Variants in ASPHD2 observed in about 807,000 individuals in gnomAD.
ASPHD2 encodes the protein aspartate beta-hydroxylase domain-containing protein 2.
A neutral mutation model predicts 34.6 loss-of-function variants in ASPHD2; 12 were observed. That is an observed-to-expected ratio of 0.35 (90% CI 0.22 to 0.56). The LOEUF (loss-of-function observed/expected upper bound fraction) is 0.56, where lower values mean the gene tolerates loss of function less well. ASPHD2 is among the 20% of genes least tolerant of loss of function. The probability of loss-of-function intolerance (pLI) is 0.87; values close to 1 mark genes in which losing one functional copy is unlikely to be tolerated. For synonymous variants in ASPHD2, 224 were observed against 212.2 expected, an observed-to-expected ratio of 1.06 and a Z score of -0.48; for missense variants, 375 against 505.0, an observed-to-expected ratio of 0.74 and a Z score of 2.47.
chr22:26,442,094 A>G (rs1454689775), intron 2 of ASPHD2, among the ~76,000 whole-genome samples: 1 of 136,770 alleles, frequency 7.3e-6, no homozygotes, highest in Admixed American at 7.3e-5. Context: ...CAACAGAGAG[A>G]GACTCCATTT....
intron 1 of ASPHD2, among the ~76,000 whole-genome samples, chr22:26,432,306 T>G (rs991641817): frequency 6.6e-6 from 1 of 152,244 alleles, no homozygotes; most frequent in Admixed American, 6.5e-5. Flanking sequence ...GCAAGAATTT[T>G]CAGGCCAAAT....
Position 26,434,135 on chromosome 22 carries a change from C to G in ASPHD2, c.520C>G (p.Pro174Ala). The change falls in exon 2 of 4, where the codon CCC becomes GCC. Residue 174 changes from proline (P) to alanine (A), a missense_variant. This residue lies in a region of ASPHD2 where 223 missense variants were observed against 257.8 expected (regional missense o/e 0.87). Transcript: ENST00000215906. ...CGAGGTCTTCTTCCTGCCCGACCTG[C>G]CCACCACGCCCTATTTCTCCCGGGA... ...KPEVFFLPDL[P>A]TTPYFSRDAQ... The G allele has an allele frequency of 1.2e-6, 2 of 1,611,704 alleles. No homozygotes were observed. The highest frequency in any genetic ancestry group is 1.7e-6 in the Non-Finnish European group (2 of 1,178,982).
intron 1 of ASPHD2, among the ~76,000 whole-genome samples, chr22:26,431,059 G>A (rs2084753117): frequency 6.6e-6 from 1 of 152,152 alleles, no homozygotes; most frequent in Admixed American, 6.5e-5. Flanking sequence ...AATTATCACC[G>A]TCTCACTCTT....
intron 1 of ASPHD2, among the ~76,000 whole-genome samples, chr22:26,432,109 C>T (rs1386295240): frequency 6.6e-6 from 1 of 152,208 alleles, no homozygotes; most frequent in Non-Finnish European, 1.5e-5. Context: ...ATAGGAGAAT[C>T]ACTTGAACCT....
In ASPHD2 at chr22:26,433,911, A is replaced by G. The variant is rs771169654; in HGVS notation, c.296A>G (p.Asn99Ser). The G allele has an allele frequency of 1.2e-5, 20 of 1,613,650 alleles. No homozygotes were observed. The Admixed American group carries it at 3.2e-4, about 26-fold the overall frequency. ...VNSLMQAADA[N>S]GLQNGYVYCQ... is the part of the protein sequence containing the mutation. ...TCCCTCATGCAGGCTGCCGATGCCA[A>G]CGGGCTGCAGAATGGCTACGTGTAC... is the stretch of plus-strand genomic sequence containing the variant. Residue 99 changes from asparagine (N) to serine (S), a missense_variant, in exon 2 of 4, where the codon AAC (asparagine) becomes AGC (serine). By Grantham distance (46) the Asn-to-Ser change is conservative (BLOSUM62 1). This residue lies in a region of ASPHD2 where 223 missense variants were observed against 257.8 expected (regional missense o/e 0.87). Transcript: ENST00000215906. This position sits in a 1 kb window ranked among gnomAD's most constrained non-coding sequence, Gnocchi z 5.1.
At position 26,442,499 on chromosome 22, in the gene ASPHD2, A is replaced by G; in HGVS notation, c.927A>G (p.Gly309=). 6.2e-7 allele frequency: 1 copy of G among 1,608,314 alleles called. No individual in the cohort carries two copies. The change falls in exon 3 of 4, where the codon GGA becomes GGG. Residue 309 remains glycine (G), a synonymous_variant. Coordinates refer to ENST00000215906, the MANE Select transcript of ASPHD2 (RefSeq NM_020437.5). ...ATGGCTGTGAGCTGGTGGTGGGGGG[A>G]GAGCCCCAGTGCTGGGCAGAAGGGC... is the stretch of plus-strand genomic sequence containing the variant. The part of the protein sequence containing the change: ...TPNGCELVVG[G]EPQCWAEGRC...
chr22:26,441,571 C>G (rs1334354823), intron 2 of ASPHD2, among the ~76,000 whole-genome samples: 1 of 148,534 alleles, frequency 6.7e-6, no homozygotes, highest in Non-Finnish European at 1.5e-5. Context: ...AAGCAAATCT[C>G]TTGAGGTCAG....
At chr22:26,435,816 C>T (rs995780993) in intron 2 of ASPHD2, among the ~76,000 whole-genome samples, 2 of 152,118 alleles carry the variant, frequency 1.3e-5, no homozygotes, top group Admixed American at 6.5e-5. Context: ...GAGTAAAGGG[C>T]GGACTGGGTG....
rs1245838348 is a variant in ASPHD2, at chr22:26,429,699, C to T, written c.-225+213C>T. Among the ~76,000 whole-genome samples, 5 of 151,980 alleles carry T rather than the reference C, an allele frequency of 3.3e-5. No individual in the cohort carries two copies. The highest frequency in any genetic ancestry group is 2.1e-4 in the South Asian group (1 of 4,832). ...GCCAGTGCTCGTACGTGCTAAGCGC[C>T]GCCGCCTCGGAGCCGGGCATCACCC... On this transcript the variant is annotated intron_variant, in intron 1 of 3. Transcript: ENST00000215906. This position sits in a 1 kb window ranked among gnomAD's most constrained non-coding sequence, Gnocchi z 4.5.
chr22:26,433,330 A>C lies in ASPHD2; in HGVS notation c.-224-62A>C. 1 of 481,616 alleles carries C rather than the reference A, an allele frequency of 2.1e-6. No homozygotes were observed. The highest frequency in any genetic ancestry group is 2.5e-5 in the South Asian group (1 of 39,364). 29.8% of individuals were successfully genotyped at this position (481,616 alleles called of 1,614,324 possible). On this transcript the variant is annotated intron_variant, in intron 1 of 3. Transcript: ENST00000215906. This position sits in a 1 kb window ranked among gnomAD's most constrained non-coding sequence, Gnocchi z 5.1. Reference sequence around the variant, plus strand: ...ATCCTACAGAACGATCTAACACTTTACATTTCAGTTGAGGACTTTTCCAGG... The same window carrying C: ...ATCCTACAGAACGATCTAACACTTTCCATTTCAGTTGAGGACTTTTCCAGG...
At chr22:26,430,167 T>C (rs1338635949) in intron 1 of ASPHD2, among the ~76,000 whole-genome samples, 1 of 152,224 alleles carries the variant, frequency 6.6e-6, no homozygotes, top group East Asian at 1.9e-4. Flanking sequence ...GTGACAGGCA[T>C]CACACACCTT....
rs143431842 is a variant in ASPHD2, at chr22:26,438,652, C to CATAT, written c.887-3797_887-3794dup. ...ATATATACATATATATATACACATA[C>CATAT]ATATATATATATACACATACATACA... On this transcript the variant is annotated intron_variant, in intron 2 of 3. Coordinates refer to ENST00000215906, the MANE Select transcript of ASPHD2 (RefSeq NM_020437.5). Among the ~76,000 whole-genome samples, 237 of 122,534 alleles carry CATAT rather than the reference C, an allele frequency of 1.9e-3. 5 individuals carry two copies. Among genetic ancestry groups the CATAT allele is most frequent in the Middle Eastern group, 0.012 (3 of 242 alleles). 80.4% of individuals were successfully genotyped at this position (122,534 alleles called of 152,430 possible).
Position 26,434,338 on chromosome 22 carries a change from C to T in ASPHD2, c.723C>T (p.Pro241=). The change falls in exon 2 of 4, where the codon CCC becomes CCT. Residue 241 remains proline (P), a synonymous_variant. Coordinates refer to ENST00000215906, the MANE Select transcript of ASPHD2 (RefSeq NM_020437.5). ...TGGTCAATCAGGGGGTTTGTGTTCC[C>T]AGGAACTGTAGGAAGTGCCCACGGA... ...FYLVNQGVCV[P]RNCRKCPRTY... is the part of the protein sequence containing the mutation. 5 of 1,614,170 alleles carry T rather than the reference C, an allele frequency of 3.1e-6. No individual in the cohort carries two copies. The highest frequency in any genetic ancestry group is 4.2e-6 in the Non-Finnish European group (5 of 1,180,026).
chr22:26,441,478 T>TAAAAAAAA (rs34554219), intron 2 of ASPHD2, among the ~76,000 whole-genome samples: 2 of 95,634 alleles, frequency 2.1e-5, no homozygotes, highest in African/African-American at 9.1e-5. Context: ...ACCTTGTATC[T>TAAAAAAAA]AAAAAAAAAA....
chr22:26,431,368 C>T (rs1338193306), intron 1 of ASPHD2, among the ~76,000 whole-genome samples: 1 of 151,174 alleles, frequency 6.6e-6, no homozygotes, highest in Admixed American at 6.6e-5. Context: ...GAGTCATAGC[C>T]TTTTCCTCTT....
At chr22:26,438,270 C>G (rs1241588119) in intron 2 of ASPHD2, among the ~76,000 whole-genome samples, 1 of 152,090 alleles carries the variant, frequency 6.6e-6, no homozygotes, top group African/African-American at 2.4e-5. Flanking sequence ...TCTTTACAGC[C>G]CTGACTCCCC....
rs960225680 is a variant in ASPHD2, at chr22:26,444,783, C to T, written c.*1577C>T. 1.3e-5 allele frequency: 2 copies of T among 152,326 alleles called. No individual in the cohort carries two copies. Among genetic ancestry groups the T allele is most frequent in the Admixed American group, 1.3e-4 (2 of 15,308 alleles). The allele number at this position is 152,326 out of a possible 1,614,324, so 9.4% of individuals were successfully genotyped here. A position where few individuals can be genotyped will look rare whatever the true frequency, so the allele number is the denominator to read the frequency against. On this transcript the variant is annotated 3_prime_UTR_variant, in exon 4 of 4. Transcript: ENST00000215906. ...TCTACATTTGAGTAAAATGTCTACACAGATATTTGTCAGTGATGAGAATGC... is the reference window on the plus strand; with the variant it reads ...TCTACATTTGAGTAAAATGTCTACATAGATATTTGTCAGTGATGAGAATGC...
rs1173625248 is a variant in ASPHD2, at chr22:26,433,653, G to A, written c.38G>A (p.Cys13Tyr). The A allele has an allele frequency of 3.7e-6, 6 of 1,613,972 alleles. No homozygotes were observed. Among genetic ancestry groups the A allele is most frequent in the African/African-American group, 2.7e-5 (2 of 74,904 alleles). Residue 13 changes from cysteine (C) to tyrosine (Y), a missense_variant, in exon 2 of 4, where the codon TGT (cysteine) becomes TAT (tyrosine). By Grantham distance (194) the Cys-to-Tyr change is radical. Transcript: ENST00000215906. The surrounding 1 kb of genome is among the most constrained non-coding windows in gnomAD (Gnocchi z 5.1). ...WAPLGPPRTD[C>Y]LTLLHTPSKD... ...CCCTTGGGACCCCCGAGGACTGATT[G>A]TCTGACCTTGCTTCACACGCCCAGT...
At position 26,432,807 on chromosome 22, in the gene ASPHD2, T is replaced by A. The variant is rs577291208; in HGVS notation, c.-224-585T>A. ...GACCTCAAGAGTGCCTACTTCCTCT[T>A]CCAACTTGGTATTAGCCCAACCTCT... is the stretch of plus-strand genomic sequence containing the variant. On this transcript the variant is annotated intron_variant, in intron 1 of 3. Transcript: ENST00000215906. 1.2e-3 allele frequency among the ~76,000 whole-genome samples: 188 copies of A among 152,352 alleles called. 1 individual carries two copies. The highest frequency in any genetic ancestry group is 4.1e-3 in the African/African-American group (170 of 41,572).
Sources: allele counts gnomAD v4.1 joint callset (sites outside exome capture counted in the v4.1 genomes callset), GRCh38; gene constraint gnomAD v4.1.1; regional missense constraint gnomAD v4.1.1; non-coding constraint Gnocchi (gnomAD v3.1); transcripts MANE v1.5; gene names NCBI Gene and HGNC (gene_info 2026-07-23, HGNC 2026-07-21).